The following REEP3 variants were observed in gnomAD, a reference collection of about 807,000 sequenced individuals.
The protein encoded by REEP3 is receptor expression-enhancing protein 3.
A neutral mutation model predicts 41.3 loss-of-function variants in REEP3; 20 were observed. The ratio of observed to expected loss-of-function variants is 0.48; its 90% confidence interval spans 0.34 to 0.70. The LOEUF (loss-of-function observed/expected upper bound fraction) is 0.70. Ranked by LOEUF, REEP3 falls within the 30% of genes least tolerant of loss-of-function variation. REEP3 has a pLI of 0.01. For missense variants in REEP3, 271 were observed against 308.8 expected (o/e 0.88, Z 0.92); for synonymous variants, 104 against 101.8 (o/e 1.02, Z -0.13).
At chr10:63,594,214 C>CA (rs747648640) in intron 2 of REEP3, among the ~76,000 whole-genome samples, 16,441 of 92,172 alleles carry the variant, frequency 0.18, 1,244 homozygotes, top group East Asian at 0.47. Flanking sequence ...CTCATCTCTA[C>CA]AAAAAAAAAA....
chr10:63,570,482 G>T (rs181868592), intron 2 of REEP3, among the ~76,000 whole-genome samples: 28 of 152,294 alleles, frequency 1.8e-4, no homozygotes, highest in Admixed American at 1.1e-3. Flanking sequence ...TTTAGGGTTT[G>T]TGCAGGTTTG....
At chr10:63,533,276 C>T (rs1265802828) in intron 1 of REEP3, among the ~76,000 whole-genome samples, 1 of 152,178 alleles carries the variant, frequency 6.6e-6, no homozygotes, top group Non-Finnish European at 1.5e-5. Context: ...CCCACAGGAA[C>T]AACAAGCCTA....
chr10:63,567,039 A>G (rs1233024166), intron 2 of REEP3, among the ~76,000 whole-genome samples: 1 of 152,174 alleles, frequency 6.6e-6, no homozygotes, highest in Non-Finnish European at 1.5e-5. Context: ...ACTGTGTAAT[A>G]GTAAATGGCC....
At chr10:63,595,390 G>T (rs1368441115) in intron 3 of REEP3, among the ~76,000 whole-genome samples, 3 of 152,182 alleles carry the variant, frequency 2.0e-5, no homozygotes, top group Non-Finnish European at 4.4e-5. Context: ...TTACCAAGGA[G>T]CAGTACTTAA....
At chr10:63,586,327 A>G (rs114486568) in intron 2 of REEP3, among the ~76,000 whole-genome samples, 1 of 152,222 alleles carries the variant, frequency 6.6e-6, no homozygotes, top group Non-Finnish European at 1.5e-5. Context: ...CATGCACTAT[A>G]TAAATCAGAA....
In REEP3 at chr10:63,621,990, A is replaced by G. The variant is rs988884755; in HGVS notation, c.*1121A>G. 6.6e-6 allele frequency: 1 copy of G among 152,244 alleles called. No homozygotes were observed. The highest frequency in any genetic ancestry group is 2.4e-5 in the African/African-American group (1 of 41,464). The allele number at this position is 152,244 out of a possible 1,614,324, so 9.4% of individuals were successfully genotyped here. A position where few individuals can be genotyped will look rare whatever the true frequency, so the allele number is the denominator to read the frequency against. On this transcript the variant is annotated 3_prime_UTR_variant, in exon 8 of 8. Coordinates refer to ENST00000373758, the MANE Select transcript of REEP3 (RefSeq NM_001001330.3). ...TTAATCCTGCACATTAGAAATTATTAGAAACATATTACTTTTTAACTTTAA... is the reference window on the plus strand; with the variant it reads ...TTAATCCTGCACATTAGAAATTATTGGAAACATATTACTTTTTAACTTTAA...
chr10:63,537,460 T>C (rs1050550854), intron 1 of REEP3, among the ~76,000 whole-genome samples: 1 of 152,248 alleles, frequency 6.6e-6, no homozygotes, highest in Non-Finnish European at 1.5e-5. Context: ...ATATTTGATA[T>C]TCTGCTTCTT....
At chr10:63,590,147 C>T (rs771419431) in intron 2 of REEP3, among the ~76,000 whole-genome samples, 3 of 152,090 alleles carry the variant, frequency 2.0e-5, no homozygotes, top group Non-Finnish European at 4.4e-5. Context: ...CCCAGGCTGG[C>T]CTCGAATTCC....
Position 63,624,351 on chromosome 10 carries a change from A to G in REEP3, c.*3482A>G, listed in dbSNP as rs1304326710. The stretch of plus-strand genomic sequence containing the variant: ...AGATTTAATCTTTTTGTAGTATGCT[A>G]CAGATTTAATTATATTAACTCTTTT... On this transcript the variant is annotated 3_prime_UTR_variant, in exon 8 of 8. Transcript: ENST00000373758. 2 of 152,178 alleles carry G rather than the reference A, an allele frequency of 1.3e-5. No homozygotes were observed. The highest frequency in any genetic ancestry group is 6.5e-5 in the Admixed American group (1 of 15,280). The allele number at this position is 152,178 out of a possible 1,614,324, so 9.4% of individuals were successfully genotyped here.
rs753168882 is a variant in REEP3 at position 63,619,847 on chromosome 10, C to G, written c.711+47C>G. 1.1e-5 allele frequency: 17 copies of G among 1,517,502 alleles called. No homozygotes were observed. In the East Asian group the frequency reaches 1.6e-4, roughly 14 times the overall value. 94.0% of individuals were successfully genotyped at this position (1,517,502 alleles called of 1,614,324 possible). A position where few individuals can be genotyped will look rare whatever the true frequency, so the allele number is the denominator to read the frequency against. ...TTTCCTAATGATTAGTGAAGGATTT[C>G]CCTGCTGTGTTATCATTTAGGATAT... On this transcript the variant is annotated intron_variant, in intron 7 of 7. Transcript: ENST00000373758.
At chr10:63,558,106 A>C (rs760438541) in intron 1 of REEP3, among the ~76,000 whole-genome samples, 29 of 152,226 alleles carry the variant, frequency 1.9e-4, no homozygotes, top group Non-Finnish European at 2.9e-4. Context: ...ACTTCAAAAA[A>C]ATCAAGAATG....
chr10:63,603,039 C>T (rs190456346), intron 5 of REEP3, among the ~76,000 whole-genome samples: 21 of 152,144 alleles, frequency 1.4e-4, no homozygotes, highest in South Asian at 4.2e-4. Flanking sequence ...CATGGCTGGG[C>T]GCAGTGGCTC....
At chr10:63,583,151 C>T (rs1763016914) in intron 2 of REEP3, among the ~76,000 whole-genome samples, 1 of 152,080 alleles carries the variant, frequency 6.6e-6, no homozygotes, top group African/African-American at 2.4e-5. Context: ...ACCACCACAC[C>T]CAGCTAATTT....
intron 1 of REEP3, among the ~76,000 whole-genome samples, chr10:63,556,163 G>A (rs1204781771): frequency 2.0e-5 from 3 of 152,084 alleles, no homozygotes; most frequent in East Asian, 1.9e-4. Flanking sequence ...AGACAGAGTC[G>A]CTCTGTCACC....
At chr10:63,556,282 A>AT (rs35491942) in intron 1 of REEP3, among the ~76,000 whole-genome samples, 3,513 of 146,542 alleles carry the variant, frequency 0.024, 113 homozygotes, top group African/African-American at 0.076. Flanking sequence ...TGCCCGACTA[A>AT]TTTTTTTTTT....
intron 5 of REEP3, chr10:63,606,107 G>A (rs992874439): frequency 3.1e-6 from 3 of 960,976 alleles, no homozygotes; most frequent in Non-Finnish European, 3.7e-6. Context: ...TGATTGTTAG[G>A]ATCAATTTTA....
intron 2 of REEP3, among the ~76,000 whole-genome samples, chr10:63,588,639 T>C (rs1956029643): frequency 6.6e-6 from 1 of 152,136 alleles, no homozygotes; most frequent in African/African-American, 2.4e-5. Context: ...TCATCAGTGA[T>C]CAAAATAAAA....
At chr10:63,564,435 C>A (rs540124311) in intron 1 of REEP3, among the ~76,000 whole-genome samples, 1 of 152,106 alleles carries the variant, frequency 6.6e-6, no homozygotes, top group South Asian at 2.1e-4. Context: ...CCAGCCTGGG[C>A]AACATGGCGA....
chr10:63,532,769 G>A (rs1331435869), intron 1 of REEP3, among the ~76,000 whole-genome samples: 1 of 152,120 alleles, frequency 6.6e-6, no homozygotes, highest in Non-Finnish European at 1.5e-5. Flanking sequence ...ATGATGGCAT[G>A]CGCCTGCAGT....
Sources: allele counts gnomAD v4.1 joint callset (sites outside exome capture counted in the v4.1 genomes callset), GRCh38; gene constraint gnomAD v4.1.1; transcripts MANE v1.5; gene names NCBI Gene and HGNC (gene_info 2026-07-23, HGNC 2026-07-21).